NCAPD2: variants seen among roughly 807,000 people sequenced by gnomAD.
NCAPD2 encodes non-SMC condensin I complex subunit D2, also known as condensin complex subunit 1.
A neutral mutation model predicts 164.5 loss-of-function variants in NCAPD2; 100 were observed. That is an observed-to-expected ratio of 0.61 (90% CI 0.52 to 0.72). NCAPD2 has a LOEUF of 0.72. Ranked by LOEUF, NCAPD2 falls within the 30% of genes least tolerant of loss-of-function variation. NCAPD2 has a pLI of 0.00. For missense variants in NCAPD2, 1,560 were observed against 1,749.2 expected (o/e 0.89, Z 1.93); for synonymous variants, 585 against 642.6 (o/e 0.91, Z 1.36).
chr12:6,527,186 T>C, intron 22 of NCAPD2, 123 bp downstream of exon 22: 2 of 1,047,494 alleles, frequency 1.9e-6, no homozygotes, highest in Non-Finnish European at 2.7e-6. Flanking sequence ...TCTGCCTCTC[T>C]GTGGCTACTA....
chr12:6,517,741 A>G, intron 12 of NCAPD2, 38 bp from the exon 13 acceptor site: 1 of 1,614,050 alleles, frequency 6.2e-7, no homozygotes, highest in Non-Finnish European at 8.5e-7. Flanking sequence ...TGCAGTCAGA[A>G]ACTCTAGTGA....
chr12:6,510,441 G>A (rs1215085241), intron 4 of NCAPD2, 188 bp from the exon 5 acceptor site: 1 of 802,844 alleles, frequency 1.2e-6, no homozygotes, highest in Admixed American at 1.7e-5. Flanking sequence ...ACTGGAGTGA[G>A]AGAGTAGGAA....
At chr12:6,529,712 G>A in intron 28 of NCAPD2, 63 bp from the exon 29 acceptor site, 1 of 1,601,972 alleles carries the variant, frequency 6.2e-7, no homozygotes. Flanking sequence ...GAGGCTGATG[G>A]GGAAGGTTGA....
Position 6,529,579 on chromosome 12 carries a change from G to C in NCAPD2, c.3639G>C (p.Arg1213=), listed in dbSNP as rs1488705326. 1 of 1,614,098 alleles carries C rather than the reference G, an allele frequency of 6.2e-7. No homozygotes were observed. The highest frequency in any genetic ancestry group is 8.5e-7 in the Non-Finnish European group (1 of 1,180,030). The part of the protein sequence containing the change: ...TESLVEKLCQ[R]FRTSRTERQQ... ...GCCTGGTGGAAAAGCTGTGTCAGCG[G>C]TTCCGCACATCCCGGTATGCTGCCC... The change falls in exon 28 of 32, where the codon CGG becomes CGC. Residue 1213 remains arginine (R), a synonymous_variant. Coordinates refer to ENST00000315579, the MANE Select transcript of NCAPD2 (RefSeq NM_014865.4).
chr12:6,527,712 A>G (rs1434655926), intron 22 of NCAPD2, 65 bp from the exon 23 acceptor site: 1 of 1,469,946 alleles, frequency 6.8e-7, no homozygotes, highest in Non-Finnish European at 9.3e-7. Context: ...TGCAAAACAA[A>G]GTATGGGCTG....
chr12:6,514,849 G>T lies in NCAPD2; in HGVS notation c.916G>T (p.Glu306Ter). The change falls in exon 9 of 32, where the codon GAA becomes TAA. Residue 306 changes from glutamate (E) to a stop codon, truncating the protein, a stop_gained. Coordinates refer to ENST00000315579, the MANE Select transcript of NCAPD2 (RefSeq NM_014865.4). LOFTEE classifies it high-confidence loss of function. Reference protein sequence around the residue: ...GTKGFAAFLTELAERVPAILM... With the variant: ...GTKGFAAFLT Reference sequence around the variant, plus strand: ...AAAGGGCTTTGCAGCATTCCTGACAGAACTAGCAGAACGTGTCCCAGCTAT... The same window carrying T: ...AAAGGGCTTTGCAGCATTCCTGACATAACTAGCAGAACGTGTCCCAGCTAT... 7 of 1,614,224 alleles carry T rather than the reference G, an allele frequency of 4.3e-6. No homozygotes were observed. The highest frequency in any genetic ancestry group is 5.1e-6 in the Non-Finnish European group (6 of 1,180,046).
intron 2 of NCAPD2, among the ~76,000 whole-genome samples, chr12:6,503,188 A>C (rs1478305800): frequency 6.6e-6 from 1 of 152,078 alleles, no homozygotes; most frequent in African/African-American, 2.4e-5. Context: ...CTGTAATGCT[A>C]AATTTTAAAA....
chr12:6,504,212 TATATA>T (rs1946075189), intron 2 of NCAPD2, among the ~76,000 whole-genome samples: 4 of 21,734 alleles, frequency 1.8e-4, no homozygotes, highest in African/African-American at 1.3e-3. Context: ...TATATATATA[TATATA>T]GATATAGATA....
intron 2 of NCAPD2, among the ~76,000 whole-genome samples, chr12:6,500,836 G>C (rs915282241): frequency 6.6e-6 from 1 of 152,164 alleles, no homozygotes; most frequent in Non-Finnish European, 1.5e-5. Context: ...ACTGGCGACT[G>C]TGTTGAGCAG....
Position 6,529,828 on chromosome 12 carries a change from C to T in NCAPD2, c.3707C>T (p.Thr1236Ile). The change falls in exon 29 of 32, where the codon ACA (threonine) becomes ATA (isoleucine). Residue 1236 changes from threonine to isoleucine, a missense_variant. Coordinates refer to ENST00000315579, the MANE Select transcript of NCAPD2 (RefSeq NM_014865.4). ...TACTGTGTGTCACAGCTGCCCCTCA[C>T]AGAGCGAGGCCTCCGTAAGATGCTT... ...LAYCVSQLPL[T>I]ERGLRKMLDN... The T allele has an allele frequency of 1.9e-6, 3 of 1,614,220 alleles. No individual in the cohort carries two copies. Among genetic ancestry groups the T allele is most frequent in the Non-Finnish European group, 2.5e-6 (3 of 1,180,020 alleles).
rs147135706 is a variant in NCAPD2, at chr12:6,515,843, T to C, written c.987+923T>C. On this transcript the variant is annotated intron_variant, in intron 9 of 31. Coordinates refer to ENST00000315579, the MANE Select transcript of NCAPD2 (RefSeq NM_014865.4). The stretch of plus-strand genomic sequence containing the variant: ...ATGTTTCTGTCTCATTTTCTGTCAG[T>C]AAAGCATCTGAAGGAGAGTGGGAGG... Among the ~76,000 whole-genome samples the C allele has an allele frequency of 5.3e-3, 805 of 152,274 alleles. 7 individuals carry two copies. Among genetic ancestry groups the C allele is most frequent in the African/African-American group, 0.018 (734 of 41,552 alleles).
Position 6,531,254 on chromosome 12 carries a change from T to A in NCAPD2, c.4121-73T>A. ...TCTGTGCGGTGTGGGATTGTCTCACTTGTTCTCTGATATCTATTTTTTCAC... is the reference window on the plus strand; with the variant it reads ...TCTGTGCGGTGTGGGATTGTCTCACATGTTCTCTGATATCTATTTTTTCAC... On this transcript the variant is annotated intron_variant, in intron 31 of 31. Transcript: ENST00000315579. This position sits in a 1 kb window ranked among gnomAD's most constrained non-coding sequence, Gnocchi z 4.1. 7 of 1,527,506 alleles carry A rather than the reference T, an allele frequency of 4.6e-6. No homozygotes were observed. Among genetic ancestry groups the A allele is most frequent in the Non-Finnish European group, 6.3e-6 (7 of 1,110,770 alleles). The allele number at this position is 1,527,506 out of a possible 1,614,324, so 94.6% of individuals were successfully genotyped here. A position where few individuals can be genotyped will look rare whatever the true frequency, so the allele number is the denominator to read the frequency against.
At chr12:6,519,867 CAAAAA>C (rs113336454) in intron 13 of NCAPD2, among the ~76,000 whole-genome samples, 1 of 132,666 alleles carries the variant, frequency 7.5e-6, no homozygotes, top group South Asian at 2.4e-4. Flanking sequence ...GAGTCCATCT[CAAAAA>C]AAAAAAAAAA....
chr12:6,526,777 C>G, intron 21 of NCAPD2, 114 bp from the exon 22 acceptor site: 4 of 1,428,334 alleles, frequency 2.8e-6, no homozygotes, highest in Non-Finnish European at 3.8e-6. Flanking sequence ...ACTCTTACTA[C>G]TTCACTAGTT....
intron 6 of NCAPD2, among the ~76,000 whole-genome samples, chr12:6,513,556 A>G (rs1210561889): frequency 6.6e-6 from 1 of 152,010 alleles, no homozygotes; most frequent in Non-Finnish European, 1.5e-5. Flanking sequence ...AGAAACTGAG[A>G]AAGGAGTCTT....
chr12:6,495,195 T>C lies in NCAPD2; in HGVS notation c.97T>C (p.Ser33Pro). The stretch of plus-strand genomic sequence containing the variant: ...TCAGTATGTTGTGCAAGAGGTACTG[T>C]CCATCAAACATCTTCCACCACAGCT... Reference protein sequence around the residue: ...VNQYVVQEVLSIKHLPPQLRA... With the variant: ...VNQYVVQEVLPIKHLPPQLRA... The change falls in exon 2 of 32, where the codon TCC becomes CCC. Residue 33 changes from serine (S) to proline (P), a missense_variant. Ser to Pro is a moderately conservative substitution (Grantham distance 74). Transcript: ENST00000315579. The C allele has an allele frequency of 6.2e-7, 1 of 1,614,128 alleles. No individual in the cohort carries two copies. The highest frequency in any genetic ancestry group is 8.5e-7 in the Non-Finnish European group (1 of 1,180,000).
chr12:6,504,266 G>A (rs373021233), intron 2 of NCAPD2, among the ~76,000 whole-genome samples: 1 of 119,692 alleles, frequency 8.4e-6, no homozygotes, highest in East Asian at 2.8e-4. Context: ...GAACAACGTG[G>A]GGGTTAGGGA....
In NCAPD2 at chr12:6,518,451, G is replaced by T. The variant is rs1946224534; in HGVS notation, c.1589+492G>T. Among the ~76,000 whole-genome samples, 4 of 138,140 alleles carry T rather than the reference G, an allele frequency of 2.9e-5. No individual in the cohort carries two copies. The South Asian group carries it at 9.7e-4, about 33-fold the overall frequency. The allele number at this position is 138,140 out of a possible 152,430, so 90.6% of individuals were successfully genotyped here. The stretch of plus-strand genomic sequence containing the variant: ...GATCTTAGAGAAAAGATTTCTCCTA[G>T]TGTTTTTGTGACTCTAGAACTTAAC... On this transcript the variant is annotated intron_variant, in intron 13 of 31. Coordinates refer to ENST00000315579, the MANE Select transcript of NCAPD2 (RefSeq NM_014865.4).
Position 6,531,523 on chromosome 12 carries a change from A to AAG in NCAPD2, c.*111_*112insAG. On this transcript the variant is annotated 3_prime_UTR_variant, in exon 32 of 32. Coordinates refer to ENST00000315579, the MANE Select transcript of NCAPD2 (RefSeq NM_014865.4). The surrounding 1 kb of genome is among the most constrained non-coding windows in gnomAD (Gnocchi z 4.1). ...TGTCTCTTTTTTTTAAAAAAAAAAA[A>AAG]GGCCGGGCACTGTGGCTCACGCCTG... 1 of 1,521,532 alleles carries AAG rather than the reference A, an allele frequency of 6.6e-7. No individual in the cohort carries two copies. The highest frequency in any genetic ancestry group is 8.8e-7 in the Non-Finnish European group (1 of 1,137,910). 94.3% of individuals were successfully genotyped at this position (1,521,532 alleles called of 1,614,324 possible).
Sources: allele counts gnomAD v4.1 joint callset (sites outside exome capture counted in the v4.1 genomes callset), GRCh38; gene constraint gnomAD v4.1.1; non-coding constraint Gnocchi (gnomAD v3.1); transcripts MANE v1.5; gene names NCBI Gene and HGNC (gene_info 2026-07-23, HGNC 2026-07-21).